GRID2: variants seen among roughly 807,000 people sequenced by gnomAD.
GRID2 encodes the protein glutamate ionotropic receptor delta type subunit 2, also known as glutamate receptor ionotropic, delta-2.
GRID2 carries 33 observed loss-of-function variants against 114.8 expected under a neutral mutation model. That is an observed-to-expected ratio of 0.29 (90% confidence interval 0.22 to 0.38). The LOEUF (loss-of-function observed/expected upper bound fraction) is 0.38. GRID2 is among the 10% of genes least tolerant of loss of function. GRID2 has a pLI of 1.00. For missense variants in GRID2, 1,184 were observed against 1,257.7 expected (o/e 0.94, Z 0.89); for synonymous variants, 505 against 449.9 (o/e 1.12, Z -1.55).
chr4:93,513,118 G>A (rs1344495381), intron 12 of GRID2, among the ~76,000 whole-genome samples: 2 of 152,134 alleles, frequency 1.3e-5, no homozygotes, highest in East Asian at 3.9e-4. Context: ...TGTACTGGTA[G>A]GGTGTCTGGT....
At chr4:93,247,581 A>G (rs1340594546) in intron 8 of GRID2, among the ~76,000 whole-genome samples, 1 of 152,060 alleles carries the variant, frequency 6.6e-6, no homozygotes, top group Non-Finnish European at 1.5e-5. Context: ...TGGGACTGAC[A>G]TCATTGGCTC....
At chr4:92,927,219 A>G (rs1749878358) in intron 2 of GRID2, among the ~76,000 whole-genome samples, 2 of 151,878 alleles carry the variant, frequency 1.3e-5, no homozygotes, top group South Asian at 4.1e-4. Context: ...GAGAAGTTTT[A>G]TTTCATAAGA....
chr4:92,928,550 A>G (rs543343132), intron 2 of GRID2, among the ~76,000 whole-genome samples: 1 of 151,666 alleles, frequency 6.6e-6, no homozygotes. Context: ...TAATATATCC[A>G]TAAATTTTCT....
At chr4:92,388,076 C>T (rs112743489) in intron 1 of GRID2, among the ~76,000 whole-genome samples, 1 of 152,114 alleles carries the variant, frequency 6.6e-6, no homozygotes, top group African/African-American at 2.4e-5. Flanking sequence ...TTTTACATTT[C>T]CTACCAGCAC....
chr4:93,695,951 C>G (rs972438344), intron 14 of GRID2, among the ~76,000 whole-genome samples: 1 of 152,170 alleles, frequency 6.6e-6, no homozygotes, highest in African/African-American at 2.4e-5. Context: ...TTTTAACAAA[C>G]ATGCCAAGCC....
At chr4:93,781,731 G>C (rs1734482340) in intron 1 of GRID2, among the ~76,000 whole-genome samples, 1 of 152,070 alleles carries the variant, frequency 6.6e-6, no homozygotes, top group Non-Finnish European at 1.5e-5. Context: ...GTAAACAGTT[G>C]TTATACTGTA....
intron 2 of GRID2, among the ~76,000 whole-genome samples, chr4:92,726,687 T>A (rs11935384): frequency 0.061 from 9,235 of 152,152 alleles, 406 homozygotes; most frequent in African/African-American, 0.12. Context: ...ACAAGCAGAT[T>A]GAGTCAGATA....
At chr4:93,394,617 CT>C (rs773021072) in intron 8 of GRID2, among the ~76,000 whole-genome samples, 21 of 151,880 alleles carry the variant, frequency 1.4e-4, no homozygotes, top group Non-Finnish European at 2.5e-4. Flanking sequence ...CCATTTGCCC[CT>C]ATGACCATTC....
chr4:93,765,696 G>T (rs555095545), intron 14 of GRID2, among the ~76,000 whole-genome samples: 4 of 149,824 alleles, frequency 2.7e-5, no homozygotes, highest in African/African-American at 9.9e-5. Context: ...AGTTTAGAAA[G>T]AATAAGGAGA....
At chr4:93,080,708 T>C (rs1192715071) in intron 2 of GRID2, among the ~76,000 whole-genome samples, 1 of 152,204 alleles carries the variant, frequency 6.6e-6, no homozygotes, top group Non-Finnish European at 1.5e-5. Flanking sequence ...GGGAAGTTCC[T>C]TGGACGTGGT....
intron 8 of GRID2, chr4:93,258,979 G>T (rs1351456645): frequency 1.6e-5 from 7 of 441,252 alleles, no homozygotes; most frequent in Non-Finnish European, 2.7e-5. Context: ...GTGCTGACTA[G>T]AGTACCACTG....
chr4:93,630,327 T>C (rs1408665670), intron 14 of GRID2, among the ~76,000 whole-genome samples: 1 of 152,186 alleles, frequency 6.6e-6, no homozygotes, highest in African/African-American at 2.4e-5. Flanking sequence ...AAACATTTAG[T>C]CATATGTTGC....
chr4:92,965,875 A>G (rs1293910388), intron 2 of GRID2, among the ~76,000 whole-genome samples: 1 of 151,914 alleles, frequency 6.6e-6, no homozygotes, highest in Non-Finnish European at 1.5e-5. Context: ...ATTTATACTG[A>G]CAACCAAGCC....
At chr4:93,503,625 T>C (rs1469823033) in intron 12 of GRID2, among the ~76,000 whole-genome samples, 1 of 151,938 alleles carries the variant, frequency 6.6e-6, no homozygotes, top group African/African-American at 2.4e-5. Flanking sequence ...GGTTTCCAGC[T>C]TCACCCATGT....
intron 14 of GRID2, among the ~76,000 whole-genome samples, chr4:93,678,234 AT>A (rs1459375178): frequency 5.3e-5 from 8 of 152,190 alleles, no homozygotes; most frequent in African/African-American, 1.9e-4. Context: ...AGAAAAAAGA[AT>A]AAAAAGAAAT....
intron 10 of GRID2, among the ~76,000 whole-genome samples, chr4:93,445,289 A>G (rs1476558419): frequency 6.6e-6 from 1 of 152,026 alleles, no homozygotes; most frequent in Non-Finnish European, 1.5e-5. Context: ...TGGAAGCGTG[A>G]TAAACCTGGG....
At chr4:93,810,236 T>A (rs1735106795), downstream of GRID2, 1 of 152,168 alleles carries the variant, frequency 6.6e-6, no homozygotes, top group African/African-American at 2.4e-5. Flanking sequence ...CTGATGTAGC[T>A]TACATAGCCA....
At chr4:92,374,662 G>A (rs1424779333) in intron 1 of GRID2, among the ~76,000 whole-genome samples, 1 of 152,118 alleles carries the variant, frequency 6.6e-6, no homozygotes, top group African/African-American at 2.4e-5. Flanking sequence ...ATAATTTGAT[G>A]ATTTTGAAAA....
At position 93,026,216 on chromosome 4, in the gene GRID2, T is replaced by A. The variant is rs2149251951; in HGVS notation, c.245-58779T>A. Among the ~76,000 whole-genome samples the A allele has an allele frequency of 2.0e-5, 3 of 151,976 alleles. No individual in the cohort carries two copies. In the Middle Eastern group the frequency reaches 0.01, roughly 517 times the overall value. On this transcript the variant is annotated intron_variant, in intron 2 of 15. Coordinates refer to ENST00000282020, the MANE Select transcript of GRID2 (RefSeq NM_001510.4). ...TTTAGCTTGGAATTATGGTCTCAGT[T>A]ATAACCCATTTCTGCTTTATTCAAA...
Sources: allele counts gnomAD v4.1 joint callset (sites outside exome capture counted in the v4.1 genomes callset), GRCh38; gene constraint gnomAD v4.1.1; transcripts MANE v1.5; gene names NCBI Gene and HGNC (gene_info 2026-07-23, HGNC 2026-07-21).